Variants in ABCC8 observed in about 807,000 individuals in gnomAD.
ABCC8 encodes the protein ATP binding cassette subfamily C member 8, also known as ATP-binding cassette sub-family C member 8.
Under a neutral mutation model 188.0 loss-of-function variants are expected in ABCC8, and 137 were observed. The ratio of observed to expected loss-of-function variants is 0.73; its 90% CI spans 0.63 to 0.84. ABCC8 has a LOEUF of 0.84. Ranked by LOEUF, ABCC8 falls within the 40% of genes least tolerant of loss-of-function variation. The pLI is 0.00. For synonymous variants in ABCC8, 797 were observed against 846.5 expected (o/e 0.94, Z 1.01); for missense variants, 1,750 against 2,072.7 (o/e 0.84, Z 3.02).
Position 17,476,806 on chromosome 11 carries a change from T to C in ABCC8, c.-30A>G. The C allele has an allele frequency of 2.0e-6, 3 of 1,505,734 alleles. No homozygotes were observed. Among genetic ancestry groups the C allele is most frequent in the Non-Finnish European group, 2.7e-6 (3 of 1,127,920 alleles). 93.3% of individuals were successfully genotyped at this position (1,505,734 alleles called of 1,614,324 possible). ...GCGCGGGCGCGGGCTGGGCTCGGGC[T>C]CAGCTGGCTCCGCTGGCTCCGCGCG... is the stretch of plus-strand genomic sequence containing the variant. On this transcript the variant is annotated 5_prime_UTR_variant, in exon 1 of 39. Transcript: ENST00000389817.
intron 7 of ABCC8, among the ~76,000 whole-genome samples, chr11:17,451,969 A>T (rs903871407): frequency 6.6e-6 from 1 of 152,220 alleles, no homozygotes; most frequent in Admixed American, 6.5e-5. Context: ...ATGGCTATGG[A>T]GACAAAAGTC....
At chr11:17,417,045 A>G (rs1554919095) in intron 16 of ABCC8, 83 bp from the exon 17 acceptor site, 6 of 1,599,180 alleles carry the variant, frequency 3.8e-6, no homozygotes, top group Middle Eastern at 3.3e-4. Context: ...TTAGGGGAGA[A>G]GCAATCCCCA....
chr11:17,415,268 T>A, intron 18 of ABCC8, 36 bp downstream of exon 18: 1 of 1,595,362 alleles, frequency 6.3e-7, no homozygotes, highest in Non-Finnish European at 8.5e-7. Context: ...CTGGAGGGAG[T>A]TGACCCTGGG....
intron 10 of ABCC8, among the ~76,000 whole-genome samples, chr11:17,439,080 C>A: frequency 6.6e-6 from 1 of 152,174 alleles, no homozygotes; most frequent in Middle Eastern, 3.2e-3. Context: ...TTTTCCCTTC[C>A]CTCCTTCCTG....
chr11:17,411,473 A>G (rs1223487751), intron 21 of ABCC8, among the ~76,000 whole-genome samples: 2 of 152,236 alleles, frequency 1.3e-5, no homozygotes, highest in African/African-American at 4.8e-5. Context: ...CGGAGACTGA[A>G]TCTTCCCACT....
chr11:17,415,446 C>A, intron 17 of ABCC8, 107 bp from the exon 18 acceptor site: 2 of 1,548,608 alleles, frequency 1.3e-6, no homozygotes, highest in Non-Finnish European at 1.7e-6. Flanking sequence ...CTTTACAATC[C>A]CCTGGACCCA....
rs766201448 is a variant in ABCC8, at chr11:17,463,485, G to A, written c.532C>T (p.Leu178Phe). Reference protein sequence around the residue: ...RFCLTGLLVILYGMLLLVEVN... With the variant: ...RFCLTGLLVIFYGMLLLVEVN... ...TCCACGAGGAGCAGCATCCCATAGA[G>A]GATCACCAGCAGCCCTGTGAGGCAG... is the stretch of plus-strand genomic sequence containing the variant. The change falls in exon 4 of 39, where the codon CTC becomes TTC. Residue 178 changes from leucine (L) to phenylalanine (F), a missense_variant. Leu to Phe is a conservative substitution (Grantham distance 22, BLOSUM62 0). Coordinates refer to ENST00000389817, the MANE Select transcript of ABCC8 (RefSeq NM_000352.6). 3 of 1,605,076 alleles carry A rather than the reference G, an allele frequency of 1.9e-6. No individual in the cohort carries two copies. The African/African-American group carries it at 4.0e-5, about 21-fold the overall frequency.
At chr11:17,450,230 C>G (rs1956708254) in intron 7 of ABCC8, among the ~76,000 whole-genome samples, 2 of 128,458 alleles carry the variant, frequency 1.6e-5, no homozygotes, top group African/African-American at 3.3e-5. Flanking sequence ...TTCTCCCTAA[C>G]TCCTTTCTTT....
Position 17,476,732 on chromosome 11 carries a change from G to C in ABCC8, c.45C>G (p.Tyr15Ter), listed in dbSNP as rs758231286. 1 of 1,604,122 alleles carries C rather than the reference G, an allele frequency of 6.2e-7. No homozygotes were observed. The highest frequency in any genetic ancestry group is 1.3e-5 in the African/African-American group (1 of 74,466). ...TGTTGAGGACCCCCTGGTCCACCCG[G>C]TAGGCGGCCGAGTGGTTCTCGCTGC... is the stretch of plus-strand genomic sequence containing the variant. ...FCGSENHSAA[Y>*]RVDQGVLNNG... Residue 15 changes from tyrosine (Y) to a stop codon, truncating the protein, a stop_gained, in exon 1 of 39, where the codon TAC (tyrosine) becomes TAG (stop). Transcript: ENST00000389817. LOFTEE classifies it high-confidence loss of function.
At position 17,408,388 on chromosome 11, in the gene ABCC8, C is replaced by G; in HGVS notation, c.2820+4G>C. 6.2e-7 allele frequency: 1 copy of G among 1,613,086 alleles called. No individual in the cohort carries two copies. The highest frequency in any genetic ancestry group is 8.5e-7 in the Non-Finnish European group (1 of 1,179,924). On this transcript the variant is annotated splice_donor_region_variant and intron_variant, in intron 23 of 38. Coordinates refer to ENST00000389817, the MANE Select transcript of ABCC8 (RefSeq NM_000352.6). ...GCTGCTTGGCCATCCCTGGATATAC[C>G]CACCTTCTCCAGCTCTTGGTCCTGT... is the stretch of plus-strand genomic sequence containing the variant.
intron 16 of ABCC8, among the ~76,000 whole-genome samples, chr11:17,417,810 C>T (rs972352981): frequency 3.3e-5 from 5 of 152,252 alleles, no homozygotes; most frequent in South Asian, 2.1e-4. Context: ...AGTACAATGG[C>T]GTGATCTTGG....
intron 6 of ABCC8, among the ~76,000 whole-genome samples, chr11:17,453,602 G>C (rs1956890711): frequency 6.6e-6 from 1 of 152,112 alleles, no homozygotes; most frequent in African/African-American, 2.4e-5. Context: ...ATTCTGAATG[G>C]GGCAAGAATA....
intron 16 of ABCC8, among the ~76,000 whole-genome samples, chr11:17,425,345 G>GA (rs982300324): frequency 6.6e-6 from 1 of 152,190 alleles, no homozygotes; most frequent in African/African-American, 2.4e-5. Context: ...GGAAATGCAG[G>GA]AAACGGGGGT....
rs1326655533 is a variant in ABCC8, at chr11:17,453,279, T to C, written c.1016A>G (p.Gln339Arg). 1.9e-6 allele frequency: 3 copies of C among 1,613,394 alleles called. No homozygotes were observed. Among genetic ancestry groups the C allele is most frequent in the Non-Finnish European group, 2.5e-6 (3 of 1,179,866 alleles). Residue 339 changes from glutamine (Q) to arginine (R), a missense_variant, in exon 7 of 39, where the codon CAA becomes CGA. Coordinates refer to ENST00000389817, the MANE Select transcript of ABCC8 (RefSeq NM_000352.6). ...KENDVFQPKT[Q>R]FLGVYFVSSQ... Reference sequence around the variant, plus strand: ...TGAGACAAAGTAAACCCCGAGAAATTGTGTCTGTTGGAAAGAGAAGTTCAG... The same window carrying C: ...TGAGACAAAGTAAACCCCGAGAAATCGTGTCTGTTGGAAAGAGAAGTTCAG...
intron 34 of ABCC8, 48 bp from the exon 35 acceptor site, chr11:17,395,766 C>T: frequency 6.4e-7 from 1 of 1,552,584 alleles, no homozygotes; most frequent in Non-Finnish European, 8.7e-7. Flanking sequence ...GACTGCTGGG[C>T]CTCCTGTCAT....
chr11:17,428,196 G>A, intron 14 of ABCC8, 93 bp downstream of exon 14: 1 of 1,591,470 alleles, frequency 6.3e-7, no homozygotes, highest in Non-Finnish European at 8.6e-7. Flanking sequence ...GACCTCTGCA[G>A]AGGACTAAGC....
intron 7 of ABCC8, among the ~76,000 whole-genome samples, chr11:17,450,403 C>CATTTT (rs754531660): frequency 2.2e-5 from 1 of 44,830 alleles, no homozygotes; most frequent in Non-Finnish European, 5.5e-5. Context: ...TCTTTCTTTC[C>CATTTT]TTTTTTTTTT....
intron 12 of ABCC8, chr11:17,429,919 C>A (rs1391354033): frequency 1.3e-5 from 2 of 152,426 alleles, no homozygotes. Flanking sequence ...TCTCCCCCTG[C>A]AAGCTACCCT....
Position 17,430,884 on chromosome 11 carries a change from A to AGAGGGAGAGGGAGGC in ABCC8, c.1732_1746dup (p.Ala578_Leu582dup), listed in dbSNP as rs757650373. The AGAGGGAGAGGGAGGC allele has an allele frequency of 2.5e-6, 4 of 1,614,224 alleles. No individual in the cohort carries two copies. In the Admixed American group the frequency reaches 5.0e-5, roughly 20 times the overall value. ...AACAGCGGTGTGACCAAGATATGGA[A>AGAGGGAGAGGGAGGC]GAGGGAGAGGGAGGCAAAGGCCACG... On this transcript the variant is annotated inframe_insertion, in exon 12 of 39. Coordinates refer to ENST00000389817, the MANE Select transcript of ABCC8 (RefSeq NM_000352.6).
Sources: allele counts gnomAD v4.1 joint callset (sites outside exome capture counted in the v4.1 genomes callset), GRCh38; gene constraint gnomAD v4.1.1; transcripts MANE v1.5; gene names NCBI Gene and HGNC (gene_info 2026-07-23, HGNC 2026-07-21).